The following RBMS3 variants were observed in gnomAD, a reference collection of about 807,000 sequenced individuals.
The protein encoded by RBMS3 is RNA binding motif single stranded interacting protein 3.
Under a neutral mutation model 66.8 loss-of-function variants are expected in RBMS3, and 27 were observed. The ratio of observed to expected loss-of-function variants is 0.40; its 90% CI spans 0.30 to 0.56. The LOEUF is 0.56. Ranked by LOEUF, RBMS3 falls within the 20% of genes least tolerant of loss-of-function variation. The pLI, the probability that RBMS3 is intolerant of heterozygous loss-of-function variation, is 0.40. For synonymous variants in RBMS3, 188 were observed against 183.0 expected, an observed-to-expected ratio of 1.03 and a Z score of -0.22; for missense variants, 513 against 549.5, an observed-to-expected ratio of 0.93 and a Z score of 0.66.
intron 4 of RBMS3, among the ~76,000 whole-genome samples, chr3:29,663,727 G>A (rs954925409): frequency 1.3e-5 from 2 of 151,752 alleles, no homozygotes; most frequent in Non-Finnish European, 2.9e-5. Context: ...AATCTACTAT[G>A]ATCAGACATT....
intron 4 of RBMS3, among the ~76,000 whole-genome samples, chr3:29,702,657 G>T (rs1234895761): frequency 2.6e-5 from 4 of 151,712 alleles, no homozygotes; most frequent in Non-Finnish European, 2.9e-5. Context: ...AACAACTCTG[G>T]ATAGGAGGAA....
intron 2 of RBMS3, among the ~76,000 whole-genome samples, chr3:29,470,094 A>G (rs1390737597): frequency 6.7e-6 from 1 of 150,142 alleles, no homozygotes; most frequent in Non-Finnish European, 1.5e-5. Flanking sequence ...ATACTGAAAT[A>G]TAATAAATTA....
chr3:29,497,921 C>T (rs2043814008), intron 3 of RBMS3, among the ~76,000 whole-genome samples: 1 of 144,276 alleles, frequency 6.9e-6, no homozygotes, highest in Non-Finnish European at 1.5e-5. Context: ...AGGAAGAGTA[C>T]CAAAGACATA....
rs1380981393 is a variant in RBMS3, at chr3:29,340,134, T to C, written c.75+58378T>C. ...TAGGAAGATATTTTGATAGAGTTTG[T>C]CTGTCTTCTCCCAGGACTGGCTACA... On this transcript the variant is annotated intron_variant, in intron 1 of 14. Transcript: ENST00000383767. Among the ~76,000 whole-genome samples the C allele has an allele frequency of 3.3e-5, 5 of 152,182 alleles. No homozygotes were observed. The East Asian group carries it at 5.8e-4, about 18-fold the overall frequency.
At chr3:29,854,834 CT>C (rs1190180741) in intron 6 of RBMS3, among the ~76,000 whole-genome samples, 1 of 152,168 alleles carries the variant, frequency 6.6e-6, no homozygotes, top group Non-Finnish European at 1.5e-5. Context: ...AGCTCTCCTT[CT>C]TACCAGTTTA....
At chr3:29,352,245 C>A (rs1354823887) in intron 1 of RBMS3, among the ~76,000 whole-genome samples, 1 of 151,972 alleles carries the variant, frequency 6.6e-6, no homozygotes, top group Non-Finnish European at 1.5e-5. Context: ...TGCAAACATA[C>A]ACTAATTTAT....
chr3:29,731,055 A>T, intron 4 of RBMS3: 6 of 982,686 alleles, frequency 6.1e-6, no homozygotes, highest in Non-Finnish European at 7.3e-6. Context: ...TCATGGAATC[A>T]TTCACTGCCT....
intron 4 of RBMS3, among the ~76,000 whole-genome samples, chr3:29,674,663 G>T (rs549953864): frequency 7.6e-6 from 1 of 132,166 alleles, no homozygotes; most frequent in African/African-American, 2.9e-5. Context: ...GCTTCAAAGA[G>T]AATAAAATAC....
chr3:29,582,877 G>A (rs1412534148), intron 3 of RBMS3, among the ~76,000 whole-genome samples: 1 of 152,088 alleles, frequency 6.6e-6, no homozygotes, highest in Non-Finnish European at 1.5e-5. Flanking sequence ...TCTAGAATGG[G>A]AGTATTTTTC....
rs562328074 is a variant in RBMS3 at position 29,583,351 on chromosome 3, C to A, written c.308-3763C>A. On this transcript the variant is annotated intron_variant, in intron 3 of 14. Coordinates refer to ENST00000383767, the MANE Select transcript of RBMS3 (RefSeq NM_001003793.3). ...AAATAAGAGGCTGCCTGCTGGGTGGCAGCATGGCTGAAACAGAACCATGAC... is the reference window on the plus strand; with the variant it reads ...AAATAAGAGGCTGCCTGCTGGGTGGAAGCATGGCTGAAACAGAACCATGAC... Among the ~76,000 whole-genome samples the A allele has an allele frequency of 3.0e-3, 463 of 152,278 alleles. 1 individual carries two copies. The highest frequency in any genetic ancestry group is 5.0e-3 in the Non-Finnish European group (337 of 68,010).
intron 1 of RBMS3, among the ~76,000 whole-genome samples, chr3:29,360,645 A>AGT (rs2037525561): frequency 6.6e-6 from 1 of 151,690 alleles, no homozygotes; most frequent in South Asian, 2.1e-4. Context: ...TTGACAGTGG[A>AGT]GTGTTAAAGT....
At chr3:29,561,820 A>T (rs138870999) in intron 3 of RBMS3, among the ~76,000 whole-genome samples, 1 of 152,118 alleles carries the variant, frequency 6.6e-6, no homozygotes, top group Non-Finnish European at 1.5e-5. Context: ...TTTCTCTAAC[A>T]ATCAGTGATA....
chr3:29,319,267 CAGTGCATTTCTATGGGGTT>C (rs1575534883), intron 1 of RBMS3, among the ~76,000 whole-genome samples: 1 of 152,088 alleles, frequency 6.6e-6, no homozygotes, highest in East Asian at 1.9e-4. Flanking sequence ...TTGCCTCGTT[CAGTGCATTTCTATGGGGTT>C]TGGGATATGA....
At chr3:29,893,185 C>G (rs1242563556) in intron 8 of RBMS3, among the ~76,000 whole-genome samples, 3 of 151,488 alleles carry the variant, frequency 2.0e-5, no homozygotes, top group African/African-American at 4.8e-5. Flanking sequence ...AAATGACTCT[C>G]TGACTTGAGT....
intron 4 of RBMS3, among the ~76,000 whole-genome samples, chr3:29,705,168 A>G (rs571810671): frequency 6.6e-6 from 1 of 152,316 alleles, no homozygotes; most frequent in South Asian, 2.1e-4. Flanking sequence ...TTACGGCCAC[A>G]TTGCAGGGTA....
intron 4 of RBMS3, among the ~76,000 whole-genome samples, chr3:29,710,153 T>C (rs2053102392): frequency 6.6e-6 from 1 of 152,214 alleles, no homozygotes; most frequent in African/African-American, 2.4e-5. Context: ...TTTTAAAAGT[T>C]CACCTCTCTA....
At chr3:29,386,603 A>T (rs1481101071) in intron 1 of RBMS3, among the ~76,000 whole-genome samples, 2 of 152,162 alleles carry the variant, frequency 1.3e-5, no homozygotes, top group African/African-American at 2.4e-5. Flanking sequence ...CTCCTGAAAC[A>T]TCAGTTATGT....
intron 1 of RBMS3, among the ~76,000 whole-genome samples, chr3:29,290,507 G>A (rs567826506): frequency 5.9e-5 from 9 of 151,704 alleles, no homozygotes; most frequent in Non-Finnish European, 1.3e-4. Context: ...ATTAACCCTG[G>A]TATCCTGTCC....
intron 1 of RBMS3, among the ~76,000 whole-genome samples, chr3:29,409,562 G>T (rs2040179596): frequency 6.6e-6 from 1 of 152,202 alleles, no homozygotes; most frequent in Non-Finnish European, 1.5e-5. Flanking sequence ...CCAAAAGGCT[G>T]AGTAGTTGGG....
Sources: allele counts gnomAD v4.1 joint callset (sites outside exome capture counted in the v4.1 genomes callset), GRCh38; gene constraint gnomAD v4.1.1; transcripts MANE v1.5; gene names NCBI Gene and HGNC (gene_info 2026-07-23, HGNC 2026-07-21).